The following CPNE4 variants were observed in gnomAD, a reference collection of about 807,000 sequenced individuals.
CPNE4 encodes the protein copine-4.
A neutral mutation model predicts 67.9 loss-of-function variants in CPNE4; 25 were observed. The ratio of observed to expected loss-of-function variants is 0.37; its 90% CI spans 0.27 to 0.51. The LOEUF (loss-of-function observed/expected upper bound fraction) is 0.51, where lower values mean the gene tolerates loss of function less well. CPNE4 is among the 20% of genes least tolerant of loss of function. The pLI is 0.93. For synonymous variants in CPNE4, 242 were observed against 244.9 expected, an observed-to-expected ratio of 0.99 and a Z score of 0.11; for missense variants, 464 against 690.8, an observed-to-expected ratio of 0.67 and a Z score of 3.68.
chr3:131,926,982 G>T (rs894468820), intron 1 of CPNE4, among the ~76,000 whole-genome samples: 2 of 152,082 alleles, frequency 1.3e-5, no homozygotes, highest in African/African-American at 4.8e-5. Context: ...GTGGGAGAGA[G>T]GAAGGAGCAA....
chr3:131,598,092 T>C (rs962634482), intron 7 of CPNE4, among the ~76,000 whole-genome samples: 15 of 152,308 alleles, frequency 9.8e-5, no homozygotes, highest in African/African-American at 3.6e-4. Context: ...ACATGGGTTG[T>C]AGGCACAGGA....
intron 7 of CPNE4, among the ~76,000 whole-genome samples, chr3:131,641,647 T>C (rs2107795285): frequency 6.6e-6 from 1 of 152,280 alleles, no homozygotes; most frequent in South Asian, 2.1e-4. Flanking sequence ...ATCTAGCAAT[T>C]CTACTACTAG....
intron 7 of CPNE4, among the ~76,000 whole-genome samples, chr3:131,668,358 A>C (rs13088506): frequency 0.36 from 54,012 of 151,996 alleles, 10,206 homozygotes; most frequent in African/African-American, 0.47. Flanking sequence ...AACATCATCA[A>C]TGTCCAGCTA....
chr3:131,891,648 C>T (rs563392736), intron 2 of CPNE4, among the ~76,000 whole-genome samples: 4 of 152,180 alleles, frequency 2.6e-5, no homozygotes, highest in African/African-American at 7.2e-5. Flanking sequence ...TTATTTAGCT[C>T]CCACCTGTAA....
chr3:132,032,369 A>G (rs972628423), intron 1 of CPNE4, among the ~76,000 whole-genome samples: 12 of 152,212 alleles, frequency 7.9e-5, no homozygotes, highest in Admixed American at 7.2e-4. Flanking sequence ...TTGTTAACAC[A>G]TAAGTAGAGG....
chr3:131,573,916 A>C (rs1042148127), intron 10 of CPNE4, among the ~76,000 whole-genome samples: 1 of 152,088 alleles, frequency 6.6e-6, no homozygotes, highest in Non-Finnish European at 1.5e-5. Context: ...ATAAATGCAC[A>C]ATACCCCAAG....
At chr3:131,853,204 CTGATA>C (rs1488453420) in intron 2 of CPNE4, among the ~76,000 whole-genome samples, 4 of 151,554 alleles carry the variant, frequency 2.6e-5, no homozygotes, top group Non-Finnish European at 4.4e-5. Flanking sequence ...AAGTGTGATA[CTGATA>C]TAAGGATAGA....
chr3:132,021,136 T>A (rs550164450), intron 1 of CPNE4, among the ~76,000 whole-genome samples: 63 of 152,332 alleles, frequency 4.1e-4, no homozygotes, highest in African/African-American at 1.5e-3. Context: ...CAAAAGTGTT[T>A]ACGTTTGCCT....
chr3:131,984,775 A>G (rs528823374), intron 1 of CPNE4, among the ~76,000 whole-genome samples: 16 of 152,212 alleles, frequency 1.1e-4, no homozygotes, highest in Non-Finnish European at 1.8e-4. Context: ...TGGTAGATTA[A>G]TACCTCAGTT....
At chr3:132,014,562 C>A (rs778813785) in intron 1 of CPNE4, among the ~76,000 whole-genome samples, 2 of 152,096 alleles carry the variant, frequency 1.3e-5, no homozygotes, top group Non-Finnish European at 2.9e-5. Context: ...CTTTTTCTTT[C>A]TTTTTCCGTT....
At chr3:131,657,748 T>C (rs917121130) in intron 7 of CPNE4, among the ~76,000 whole-genome samples, 3 of 144,188 alleles carry the variant, frequency 2.1e-5, no homozygotes, top group African/African-American at 7.7e-5. Context: ...GTGTGTTTAG[T>C]AGAAACGGGG....
chr3:131,739,383 C>T (rs146203932), intron 2 of CPNE4, among the ~76,000 whole-genome samples: 19 of 152,302 alleles, frequency 1.2e-4, no homozygotes, highest in African/African-American at 4.1e-4. Context: ...AAAAGGCTCT[C>T]GTGTACATTT....
At chr3:131,720,922 C>T (rs1485266418) in intron 3 of CPNE4, among the ~76,000 whole-genome samples, 6 of 152,174 alleles carry the variant, frequency 3.9e-5, no homozygotes, top group African/African-American at 7.2e-5. Context: ...GTATAATGTT[C>T]CCATCTGCTT....
chr3:132,033,722 G>C (rs1217582058), intron 1 of CPNE4, among the ~76,000 whole-genome samples: 1 of 152,220 alleles, frequency 6.6e-6, no homozygotes, highest in Non-Finnish European at 1.5e-5. Context: ...CAAGATGAAG[G>C]AGGAGCATTT....
At chr3:131,933,790 C>CAAAAAAAAAAAAAAAAA (rs764404007) in intron 1 of CPNE4, among the ~76,000 whole-genome samples, 1 of 115,940 alleles carries the variant, frequency 8.6e-6, no homozygotes, top group African/African-American at 3.1e-5. Context: ...ACAGAAAGAC[C>CAAAAAAAAAAAAAAAAA]AAAAAAAAAA....
chr3:131,607,783 A>T (rs975260003), intron 7 of CPNE4, among the ~76,000 whole-genome samples: 1 of 152,178 alleles, frequency 6.6e-6, no homozygotes, highest in Non-Finnish European at 1.5e-5. Flanking sequence ...AGATGATAGA[A>T]GTTAAACCGT....
chr3:131,875,799 T>C (rs34294494), intron 2 of CPNE4, among the ~76,000 whole-genome samples: 96,355 of 151,998 alleles, frequency 0.63, 30,776 homozygotes, highest in Admixed American at 0.72. Flanking sequence ...CAAACCTGCA[T>C]GTTGTGCACA....
intron 1 of CPNE4, among the ~76,000 whole-genome samples, chr3:131,944,092 C>A (rs916547630): frequency 6.6e-6 from 1 of 152,104 alleles, no homozygotes; most frequent in African/African-American, 2.4e-5. Flanking sequence ...AAATCTCCAG[C>A]ACCTAGCCGT....
intron 2 of CPNE4, among the ~76,000 whole-genome samples, chr3:131,852,655 T>C (rs908700626): frequency 2.0e-5 from 3 of 151,748 alleles, no homozygotes; most frequent in African/African-American, 7.3e-5. Context: ...GTACTGCATG[T>C]TTCAGCCAGT....
Sources: gnomAD v4.1 joint callset for allele counts (sites outside exome capture counted in the v4.1 genomes callset) on GRCh38, gnomAD v4.1.1 for gene constraint, MANE v1.5 for transcripts, NCBI Gene and HGNC (gene_info 2026-07-23, HGNC 2026-07-21) for gene names.